Variants in ASTN2 observed in about 807,000 individuals in gnomAD.
The protein encoded by ASTN2 is astrotactin-2.
Under a neutral mutation model 139.8 loss-of-function variants are expected in ASTN2, and 54 were observed. That is an observed-to-expected ratio of 0.39 (90% CI 0.31 to 0.48). ASTN2 has a LOEUF of 0.48. ASTN2 is among the 20% of genes least tolerant of loss of function. The pLI is 0.95. For missense variants in ASTN2, 1,565 were observed against 1,725.1 expected (o/e 0.91, Z 1.64); for synonymous variants, 756 against 719.5 (o/e 1.05, Z -0.81).
intron 2 of ASTN2, among the ~76,000 whole-genome samples, 184 bp from the exon 3 acceptor site, chr9:117,214,926 A>G (rs1435072454): frequency 6.6e-6 from 1 of 152,152 alleles, no homozygotes. Context: ...TTTCACCAAC[A>G]AACTATGTGA....
chr9:116,762,477 C>T (rs1302686758), intron 13 of ASTN2, among the ~76,000 whole-genome samples: 1 of 152,154 alleles, frequency 6.6e-6, no homozygotes, highest in Non-Finnish European at 1.5e-5. Context: ...CTATTGAGTA[C>T]CTGTCATGAT....
intron 20 of ASTN2, among the ~76,000 whole-genome samples, chr9:116,449,040 G>A: frequency 6.6e-6 from 1 of 152,198 alleles, no homozygotes; most frequent in East Asian, 1.9e-4. Context: ...TCGAATGTTT[G>A]TTCTACAACC....
chr9:117,007,839 T>G (rs1837400528), intron 7 of ASTN2, among the ~76,000 whole-genome samples: 1 of 152,072 alleles, frequency 6.6e-6, no homozygotes, highest in Non-Finnish European at 1.5e-5. Context: ...TGCAGACATT[T>G]TGCTTGTCTG....
chr9:117,064,739 G>C (rs1356570121), intron 5 of ASTN2, among the ~76,000 whole-genome samples: 1 of 151,808 alleles, frequency 6.6e-6, no homozygotes, highest in African/African-American at 2.4e-5. Flanking sequence ...AAAAGCTTAA[G>C]CTTTACCACA....
chr9:116,902,244 C>A (rs1201318366), intron 10 of ASTN2, among the ~76,000 whole-genome samples: 1 of 151,904 alleles, frequency 6.6e-6, no homozygotes, highest in African/African-American at 2.4e-5. Context: ...ATGATCCTGA[C>A]CCTGTGGAAA....
At chr9:116,920,271 A>T (rs1234940299) in intron 10 of ASTN2, among the ~76,000 whole-genome samples, 2 of 152,184 alleles carry the variant, frequency 1.3e-5, no homozygotes, top group South Asian at 2.1e-4. Context: ...GGCTCAGATG[A>T]GTAGGGCCAG....
intron 16 of ASTN2, among the ~76,000 whole-genome samples, chr9:116,695,971 C>T (rs1463541132): frequency 1.3e-5 from 2 of 152,148 alleles, no homozygotes; most frequent in East Asian, 3.9e-4. Flanking sequence ...ATCCACTCAC[C>T]TTTCAAATCT....
At chr9:116,645,866 T>C (rs1482707301) in intron 17 of ASTN2, among the ~76,000 whole-genome samples, 1 of 152,198 alleles carries the variant, frequency 6.6e-6, no homozygotes, top group African/African-American at 2.4e-5. Flanking sequence ...CCTAGCACTT[T>C]AGGTACCAGC....
In ASTN2 at chr9:117,214,697, C is replaced by T; in HGVS notation, c.676G>A (p.Ala226Thr). Residue 226 changes from alanine to threonine, a missense_variant, in exon 3 of 23, where the codon GCG becomes ACG. This residue lies in a region of ASTN2 where 596 missense variants were observed against 576.8 expected (regional missense o/e 1.03). Transcript: ENST00000313400. ...LLLLLLVFTV[A>T]LYAQRRWQKR... ...TGCCAACGTCGCTGGGCGTACAGCGCCACGGTGAACACCAGCAGCAGCAGC... is the reference window on the plus strand; with the variant it reads ...TGCCAACGTCGCTGGGCGTACAGCGTCACGGTGAACACCAGCAGCAGCAGC... 6.6e-7 allele frequency: 1 copy of T among 1,525,324 alleles called. No individual in the cohort carries two copies. The highest frequency in any genetic ancestry group is 1.3e-5 in the South Asian group (1 of 76,562). The allele number at this position is 1,525,324 out of a possible 1,614,324, so 94.5% of individuals were successfully genotyped here. A position where few individuals can be genotyped will look rare whatever the true frequency, so the allele number is the denominator to read the frequency against.
intron 13 of ASTN2, among the ~76,000 whole-genome samples, chr9:116,750,650 G>A (rs1829374596): frequency 6.6e-6 from 1 of 152,158 alleles, no homozygotes; most frequent in Admixed American, 6.5e-5. Flanking sequence ...ATTCGCACGT[G>A]CTTTCTGCAA....
At chr9:117,003,432 G>A (rs886668553) in intron 7 of ASTN2, among the ~76,000 whole-genome samples, 3 of 151,844 alleles carry the variant, frequency 2.0e-5, no homozygotes, top group Non-Finnish European at 4.4e-5. Flanking sequence ...TGTGATCTTC[G>A]TCCTGTCCCC....
chr9:117,112,342 T>C (rs1007443988), intron 4 of ASTN2, among the ~76,000 whole-genome samples: 2 of 152,122 alleles, frequency 1.3e-5, no homozygotes, highest in Non-Finnish European at 2.9e-5. Flanking sequence ...TAAGTAATTT[T>C]ATAGAAGAAC....
intron 22 of ASTN2, among the ~76,000 whole-genome samples, chr9:116,426,715 T>C (rs923442939): frequency 3.3e-5 from 5 of 151,602 alleles, no homozygotes; most frequent in East Asian, 3.9e-4. Flanking sequence ...TCTGGAAACT[T>C]TGAAATCTTG....
intron 2 of ASTN2, among the ~76,000 whole-genome samples, chr9:117,266,745 ACT>A (rs1412404307): frequency 6.6e-6 from 1 of 152,192 alleles, no homozygotes; most frequent in Non-Finnish European, 1.5e-5. Flanking sequence ...GTAATAAATC[ACT>A]GAAGACAAGA....
chr9:117,142,232 A>G (rs1354420571), intron 3 of ASTN2, among the ~76,000 whole-genome samples: 4 of 152,220 alleles, frequency 2.6e-5, no homozygotes, highest in Admixed American at 1.3e-4. Context: ...AAGGTTTTAA[A>G]CAGAAAATCT....
chr9:116,797,825 T>A (rs909143951), intron 13 of ASTN2, among the ~76,000 whole-genome samples: 3 of 152,176 alleles, frequency 2.0e-5, no homozygotes, highest in African/African-American at 7.2e-5. Flanking sequence ...CTGTACAGTG[T>A]CAGGGTTGGA....
chr9:117,156,398 G>A (rs531920610), intron 3 of ASTN2, among the ~76,000 whole-genome samples: 1 of 152,094 alleles, frequency 6.6e-6, no homozygotes, highest in Admixed American at 6.5e-5. Flanking sequence ...CTCAACTTTG[G>A]CACTATTGAC....
At chr9:117,075,180 C>T (rs1828245702) in intron 5 of ASTN2, among the ~76,000 whole-genome samples, 2 of 152,188 alleles carry the variant, frequency 1.3e-5, no homozygotes, top group East Asian at 1.9e-4. Context: ...CCTTCTGGGG[C>T]AAGAAGGGGT....
At chr9:116,759,329 T>C (rs550711714) in intron 13 of ASTN2, among the ~76,000 whole-genome samples, 1 of 152,282 alleles carries the variant, frequency 6.6e-6, no homozygotes, top group African/African-American at 2.4e-5. Context: ...AAGCAAATAA[T>C]TTATTGAGGG....
Sources: allele counts gnomAD v4.1 joint callset (sites outside exome capture counted in the v4.1 genomes callset), GRCh38; gene constraint gnomAD v4.1.1; regional missense constraint gnomAD v4.1.1; transcripts MANE v1.5; gene names NCBI Gene and HGNC (gene_info 2026-07-23, HGNC 2026-07-21).